PLD1: variants seen among roughly 807,000 people sequenced by gnomAD.
PLD1 encodes the protein choline phosphatase 1.
A neutral mutation model predicts 137.1 loss-of-function variants in PLD1; 112 were observed. That is an observed-to-expected ratio of 0.82 (90% CI 0.70 to 0.96). PLD1 has a LOEUF of 0.96. Ranked by LOEUF, PLD1 falls within the 40% of genes least tolerant of loss-of-function variation. The pLI is 0.00. For synonymous variants in PLD1, 431 were observed against 454.7 expected (o/e 0.95, Z 0.66); for missense variants, 1,321 against 1,342.0 (o/e 0.98, Z 0.24).
At position 171,726,041 on chromosome 3, in the gene PLD1, G is replaced by A; in HGVS notation, c.642C>T (p.Ile214=). The part of the protein sequence containing the change: ...EFLDISQLSF[I]HDLGPKGIEG... ...ACATGCCCTTTGGTCCCAAATCATG[G>A]ATGAAAGACAGCTGGCTTATATCAA... The change falls in exon 7 of 27, where the codon ATC becomes ATT. Residue 214 remains isoleucine (I), a synonymous_variant. Transcript: ENST00000351298. 1 of 1,612,432 alleles carries A rather than the reference G, an allele frequency of 6.2e-7. No individual in the cohort carries two copies. The highest frequency in any genetic ancestry group is 1.7e-4 in the Middle Eastern group (1 of 6,052).
At chr3:171,697,679 A>G (rs1490726856) in intron 12 of PLD1, among the ~76,000 whole-genome samples, 1 of 152,020 alleles carries the variant, frequency 6.6e-6, no homozygotes, top group Non-Finnish European at 1.5e-5. Context: ...CATCTACTAC[A>G]CCTAGAAAGT....
intron 20 of PLD1, among the ~76,000 whole-genome samples, chr3:171,660,544 G>A (rs530175710): frequency 5.3e-5 from 8 of 152,202 alleles, no homozygotes; most frequent in Middle Eastern, 3.4e-3. Flanking sequence ...CCTACATGGC[G>A]TTACTGACAT....
rs143845082 is a variant in PLD1 at position 171,699,780 on chromosome 3, G to A, written c.1192C>T (p.Arg398Cys). 3.9e-3 allele frequency: 6,360 copies of A among 1,613,848 alleles called. 16 individuals carry two copies. The highest frequency in any genetic ancestry group is 4.4e-3 in the Non-Finnish European group (5,226 of 1,179,794). Residue 398 changes from arginine (R) to cysteine (C), a missense_variant, in exon 12 of 27, where the codon CGT becomes TGT. By Grantham distance (180) the Arg-to-Cys change is radical. Transcript: ENST00000351298. The part of the protein sequence containing the change: ...FLKRPVVEGN[R>C]WRLDCILKRK... Reference sequence around the variant, plus strand: ...TTAAGAATGCAGTCCAACCTCCAACGATTTCCCTCAACCACTGGGCGTTTC... The same window carrying A: ...TTAAGAATGCAGTCCAACCTCCAACAATTTCCCTCAACCACTGGGCGTTTC...
In PLD1 at chr3:171,607,836, CT is replaced by C. The variant is rs1226167146; in HGVS notation, c.2883-2421del. Among the ~76,000 whole-genome samples, 5 of 152,112 alleles carry C rather than the reference CT, an allele frequency of 3.3e-5. No homozygotes were observed. The East Asian group carries it at 7.7e-4, about 23-fold the overall frequency. On this transcript the variant is annotated intron_variant, in intron 25 of 26. Coordinates refer to ENST00000351298, the MANE Select transcript of PLD1 (RefSeq NM_002662.5). Reference sequence around the variant, plus strand: ...AGGACTTGAACTGTTCAGCTTATAGCTGTGAAATTTAGTGCATGTTTGATTC... The same window carrying C: ...AGGACTTGAACTGTTCAGCTTATAGCGTGAAATTTAGTGCATGTTTGATTC...
chr3:171,633,794 T>C (rs578199840), intron 23 of PLD1, among the ~76,000 whole-genome samples: 10 of 152,170 alleles, frequency 6.6e-5, no homozygotes, highest in Non-Finnish European at 1.0e-4. Flanking sequence ...TCTTAAATTA[T>C]ACTAAATTGG....
At chr3:171,625,053 G>C (rs2108309082) in intron 23 of PLD1, among the ~76,000 whole-genome samples, 1 of 151,360 alleles carries the variant, frequency 6.6e-6, no homozygotes, top group East Asian at 1.9e-4. Context: ...AAATAATCAA[G>C]AGAGATTTAA....
chr3:171,699,795 C>A lies in PLD1; in HGVS notation c.1177G>T (p.Val393Leu), dbSNP rs904719946. Residue 393 changes from valine (V) to leucine (L), a missense_variant, in exon 12 of 27, where the codon GTG (valine) becomes TTG (leucine). Coordinates refer to ENST00000351298, the MANE Select transcript of PLD1 (RefSeq NM_002662.5). ...LSPEIFLKRP[V>L]VEGNRWRLDC... ...AACCTCCAACGATTTCCCTCAACCA[C>A]TGGGCGTTTCAGGAAGATTTCTGGA... is the stretch of plus-strand genomic sequence containing the variant. 12 of 1,613,924 alleles carry A rather than the reference C, an allele frequency of 7.4e-6. No individual in the cohort carries two copies. The highest frequency in any genetic ancestry group is 6.7e-5 in the Admixed American group (4 of 60,002).
rs1731881350 is a variant in PLD1 at position 171,602,267 on chromosome 3, GT to G, written c.*810del. ...GGTTTCCGAAGGCTGTGTGCTCTCA[GT>G]TTTAGCTGGTTGTTACGTAATCAAA... is the stretch of plus-strand genomic sequence containing the variant. On this transcript the variant is annotated 3_prime_UTR_variant, in exon 27 of 27. Transcript: ENST00000351298. 1 of 152,196 alleles carries G rather than the reference GT, an allele frequency of 6.6e-6. No individual in the cohort carries two copies. Among genetic ancestry groups the G allele is most frequent in the South Asian group, 2.1e-4 (1 of 4,820 alleles). 9.4% of individuals were successfully genotyped at this position (152,196 alleles called of 1,614,324 possible).
intron 6 of PLD1, among the ~76,000 whole-genome samples, chr3:171,732,723 C>T (rs1008621331): frequency 6.6e-6 from 1 of 152,196 alleles, no homozygotes; most frequent in Non-Finnish European, 1.5e-5. Flanking sequence ...TGCATACATA[C>T]ATACGATAAA....
At chr3:171,639,598 C>CATATAATATATATTA (rs1735508740) in intron 23 of PLD1, among the ~76,000 whole-genome samples, 1 of 76,392 alleles carries the variant, frequency 1.3e-5, no homozygotes, top group African/African-American at 6.8e-5. Context: ...AATATATATT[C>CATATAATATATATTA]ATATAATATA....
intron 23 of PLD1, among the ~76,000 whole-genome samples, chr3:171,635,569 G>GCT (rs887158557): frequency 6.6e-6 from 1 of 151,978 alleles, no homozygotes; most frequent in African/African-American, 2.4e-5. Flanking sequence ...ATCTTCTTTA[G>GCT]AAAAATACCT....
At chr3:171,609,061 T>C (rs1054917998) in intron 25 of PLD1, among the ~76,000 whole-genome samples, 2 of 151,844 alleles carry the variant, frequency 1.3e-5, no homozygotes, top group Non-Finnish European at 2.9e-5. Context: ...AACAACCCCA[T>C]TAAAAAGTGG....
chr3:171,635,047 T>A (rs928306065), intron 23 of PLD1, among the ~76,000 whole-genome samples: 1 of 152,196 alleles, frequency 6.6e-6, no homozygotes, highest in Non-Finnish European at 1.5e-5. Flanking sequence ...GTGCCTGGCT[T>A]CTTTCACTTA....
At chr3:171,710,642 AC>A (rs1177399147) in intron 9 of PLD1, among the ~76,000 whole-genome samples, 3 of 152,066 alleles carry the variant, frequency 2.0e-5, no homozygotes, top group African/African-American at 7.2e-5. Context: ...ACGGACTGGT[AC>A]CCCGAGGGGG....
chr3:171,782,980 C>T (rs1722850345), intron 1 of PLD1, among the ~76,000 whole-genome samples: 1 of 152,144 alleles, frequency 6.6e-6, no homozygotes, highest in East Asian at 1.9e-4. Context: ...GCACGTTTGT[C>T]CATGGTAAAG....
chr3:171,778,197 T>C (rs1341132639), intron 1 of PLD1, among the ~76,000 whole-genome samples: 2 of 152,242 alleles, frequency 1.3e-5, no homozygotes, highest in African/African-American at 4.8e-5. Context: ...TTAGATACAA[T>C]TATTTTCCTC....
intron 23 of PLD1, among the ~76,000 whole-genome samples, chr3:171,638,392 T>C (rs936214648): frequency 5.3e-5 from 8 of 152,188 alleles, no homozygotes; most frequent in Admixed American, 2.0e-4. Flanking sequence ...TGGGTATGAC[T>C]GTGACATCAT....
At chr3:171,749,932 G>C (rs1283322103) in intron 1 of PLD1, among the ~76,000 whole-genome samples, 2 of 152,164 alleles carry the variant, frequency 1.3e-5, no homozygotes, top group Non-Finnish European at 2.9e-5. Flanking sequence ...GATGGGGTTT[G>C]GTGTTTGAGT....
chr3:171,648,775 C>T (rs1357223172), intron 21 of PLD1, among the ~76,000 whole-genome samples: 1 of 152,044 alleles, frequency 6.6e-6, no homozygotes, highest in Non-Finnish European at 1.5e-5. Context: ...AGGATGGTCT[C>T]GATATCCTGA....
Sources: allele counts gnomAD v4.1 joint callset (sites outside exome capture counted in the v4.1 genomes callset), GRCh38; gene constraint gnomAD v4.1.1; transcripts MANE v1.5; gene names NCBI Gene and HGNC (gene_info 2026-07-23, HGNC 2026-07-21).